Variants in TMTC2 observed in about 807,000 individuals in gnomAD.
The protein encoded by TMTC2 is protein O-mannosyl-transferase TMTC2.
In TMTC2, 43 loss-of-function variants were observed where a neutral mutation model predicts 82.4. The ratio of observed to expected loss-of-function variants is 0.52; its 90% CI spans 0.41 to 0.67. The LOEUF (loss-of-function observed/expected upper bound fraction) is 0.67, where lower values mean the gene tolerates loss of function less well. Ranked by LOEUF, TMTC2 falls within the 30% of genes least tolerant of loss-of-function variation. The probability of loss-of-function intolerance (pLI) is 0.00; values close to 1 mark genes in which losing one functional copy is unlikely to be tolerated. For synonymous variants in TMTC2, 408 were observed against 381.9 expected, an observed-to-expected ratio of 1.07 and a Z score of -0.80; for missense variants, 919 against 1,012.4, an observed-to-expected ratio of 0.91 and a Z score of 1.25.
chr12:83,051,866 G>C (rs1424920839), intron 10 of TMTC2, among the ~76,000 whole-genome samples: 1 of 152,024 alleles, frequency 6.6e-6, no homozygotes, highest in Non-Finnish European at 1.5e-5. Flanking sequence ...GTTTTTTTGT[G>C]TGTGAATATA....
chr12:83,048,895 C>T (rs573657682), intron 9 of TMTC2, among the ~76,000 whole-genome samples: 1 of 152,288 alleles, frequency 6.6e-6, no homozygotes, highest in South Asian at 2.1e-4. Context: ...TCTCGAACTC[C>T]AGACCTCTGG....
intron 10 of TMTC2, among the ~76,000 whole-genome samples, chr12:83,053,481 A>G (rs551731419): frequency 6.6e-6 from 1 of 152,218 alleles, no homozygotes; most frequent in African/African-American, 2.4e-5. Context: ...TTCCAATGTA[A>G]TGACCAAAAG....
intron 11 of TMTC2, among the ~76,000 whole-genome samples, chr12:83,118,610 A>C (rs2137556899): frequency 6.6e-6 from 1 of 152,314 alleles, no homozygotes; most frequent in African/African-American, 2.4e-5. Flanking sequence ...TGTGTTCATC[A>C]GGGATATCAG....
chr12:83,005,330 CA>C (rs35332002), intron 8 of TMTC2, among the ~76,000 whole-genome samples: 10,112 of 105,562 alleles, frequency 0.096, 366 homozygotes, highest in African/African-American at 0.15. Flanking sequence ...CTCTGGTCTC[CA>C]AAAAAAAAAA....
At chr12:82,893,321 A>T (rs956444646) in intron 2 of TMTC2, among the ~76,000 whole-genome samples, 3 of 151,056 alleles carry the variant, frequency 2.0e-5, no homozygotes, top group Non-Finnish European at 4.4e-5. Context: ...CAGTGAGCTG[A>T]GATCATGCCA....
rs142899429 is a variant in TMTC2, at chr12:82,732,964, G to A, written c.83+45295G>A. Reference sequence around the variant, plus strand: ...ATGCCAGCCTCATTGTTGGATGTTAGTGGGTTATATTTACATAATTACAAC... The same window carrying A: ...ATGCCAGCCTCATTGTTGGATGTTAATGGGTTATATTTACATAATTACAAC... On this transcript the variant is annotated intron_variant, in intron 1 of 11. Coordinates refer to ENST00000321196, the MANE Select transcript of TMTC2 (RefSeq NM_152588.3). 2.7e-3 allele frequency among the ~76,000 whole-genome samples: 416 copies of A among 152,308 alleles called. 2 individuals carry two copies. Among genetic ancestry groups the A allele is most frequent in the African/African-American group, 9.3e-3 (388 of 41,574 alleles).
intron 2 of TMTC2, among the ~76,000 whole-genome samples, chr12:82,875,996 GGTATTGGTAATGGTAATGGTAGTA>G: frequency 7.2e-6 from 1 of 139,334 alleles, no homozygotes; most frequent in Non-Finnish European, 1.5e-5. Context: ...TGGTGGTGTT[GGTATTGGTAATGGTAATGGTAGTA>G]GTGGTGGCGG....
chr12:83,073,460 G>A (rs979925625), intron 11 of TMTC2, among the ~76,000 whole-genome samples: 2 of 152,152 alleles, frequency 1.3e-5, no homozygotes, highest in Non-Finnish European at 2.9e-5. Context: ...GTGTCTAGGT[G>A]AAAATCTTTT....
intron 4 of TMTC2, among the ~76,000 whole-genome samples, chr12:82,937,724 G>GTGTGTA (rs1876396321): frequency 5.9e-5 from 3 of 51,084 alleles, no homozygotes; most frequent in African/African-American, 1.2e-4. Context: ...GTGTGTGTGT[G>GTGTGTA]TGTGGATGTG....
intron 9 of TMTC2, among the ~76,000 whole-genome samples, chr12:83,045,810 A>C (rs1035191634): frequency 1.3e-5 from 2 of 150,440 alleles, no homozygotes; most frequent in Non-Finnish European, 3.0e-5. Context: ...GTTTCTCTAA[A>C]GTAATAATTG....
chr12:82,920,708 T>C (rs1875342225), intron 3 of TMTC2, among the ~76,000 whole-genome samples: 1 of 152,184 alleles, frequency 6.6e-6, no homozygotes, highest in Non-Finnish European at 1.5e-5. Context: ...TTCTAGAGCT[T>C]ATCCAGTGAT....
At chr12:82,803,359 A>G (rs917796981) in intron 1 of TMTC2, among the ~76,000 whole-genome samples, 1 of 152,128 alleles carries the variant, frequency 6.6e-6, no homozygotes, top group Admixed American at 6.6e-5. Flanking sequence ...TCAGGCGATA[A>G]TCAGGTGATG....
chr12:82,802,241 G>C (rs1879044379), intron 1 of TMTC2, among the ~76,000 whole-genome samples: 1 of 152,164 alleles, frequency 6.6e-6, no homozygotes, highest in South Asian at 2.1e-4. Flanking sequence ...TCACTGCTGG[G>C]GGCGGCAGGG....
At chr12:82,948,668 G>T (rs1264411627) in intron 4 of TMTC2, among the ~76,000 whole-genome samples, 1 of 152,150 alleles carries the variant, frequency 6.6e-6, no homozygotes, top group Non-Finnish European at 1.5e-5. Flanking sequence ...AAGGGACAAA[G>T]AAAACACCCA....
chr12:82,809,512 G>A (rs574303034), intron 1 of TMTC2, among the ~76,000 whole-genome samples: 7 of 152,238 alleles, frequency 4.6e-5, no homozygotes, highest in African/African-American at 1.7e-4. Context: ...GATATTTTGA[G>A]ATTGCACACC....
chr12:82,784,297 C>A (rs984675069), intron 1 of TMTC2, among the ~76,000 whole-genome samples: 3 of 152,002 alleles, frequency 2.0e-5, no homozygotes, highest in African/African-American at 7.2e-5. Context: ...ATGTGGAAGC[C>A]ACTTTGAAAG....
chr12:83,030,141 T>A (rs1443837922), intron 8 of TMTC2, among the ~76,000 whole-genome samples: 1 of 152,172 alleles, frequency 6.6e-6, no homozygotes, highest in Non-Finnish European at 1.5e-5. Context: ...AAGGATAAGC[T>A]GTAAAGGGTG....
chr12:82,952,761 C>A (rs550629380), intron 4 of TMTC2, among the ~76,000 whole-genome samples: 2 of 152,016 alleles, frequency 1.3e-5, no homozygotes, highest in Non-Finnish European at 2.9e-5. Context: ...TTAGTAGAGA[C>A]GAGGTTTCAC....
chr12:82,832,900 C>T (rs1869829495), intron 1 of TMTC2, among the ~76,000 whole-genome samples: 1 of 152,084 alleles, frequency 6.6e-6, no homozygotes, highest in African/African-American at 2.4e-5. Context: ...GTCCCAGTTC[C>T]CTGTTGGTCC....
Sources: allele counts gnomAD v4.1 joint callset (sites outside exome capture counted in the v4.1 genomes callset), GRCh38; gene constraint gnomAD v4.1.1; transcripts MANE v1.5; gene names NCBI Gene and HGNC (gene_info 2026-07-23, HGNC 2026-07-21).